Variants in FLNA observed in about 807,000 individuals in gnomAD.
The protein encoded by FLNA is filamin A.
A neutral mutation model predicts 157.6 loss-of-function variants in FLNA; 7 were observed. The ratio of observed to expected loss-of-function variants is 0.04; its 90% confidence interval spans 0.03 to 0.08. The LOEUF (loss-of-function observed/expected upper bound fraction) is 0.08, where lower values mean the gene tolerates loss of function less well. Ranked by LOEUF, FLNA falls within the 10% of genes least tolerant of loss-of-function variation. The probability of loss-of-function intolerance (pLI) is 1.00; values close to 1 mark genes in which losing one functional copy is unlikely to be tolerated. For synonymous variants in FLNA, 1,103 were observed against 1,060.8 expected, an observed-to-expected ratio of 1.04 and a Z score of -0.77; for missense variants, 1,750 against 2,398.4, an observed-to-expected ratio of 0.73 and a Z score of 5.65.
Position 154,362,799 on chromosome X carries a change from G to A in FLNA, c.2281-15C>T, listed in dbSNP as rs782276263. 9.3e-6 allele frequency: 11 copies of A among 1,186,260 alleles called. No homozygotes were observed. ...CCCACATTCACCTGCAGGGCACAGGGGCAAGGGCAAGGGCATGAGCAGCCT... is the reference window on the plus strand; with the variant it reads ...CCCACATTCACCTGCAGGGCACAGGAGCAAGGGCAAGGGCATGAGCAGCCT... On this transcript the variant is annotated splice_polypyrimidine_tract_variant and intron_variant, in intron 15 of 47. Coordinates refer to ENST00000369850, the MANE Select transcript of FLNA (RefSeq NM_001110556.2).
At chrX:154,367,150 T>A (rs781808582) in intron 5 of FLNA, among the ~76,000 whole-genome samples, 16 of 112,080 alleles carry the variant, frequency 1.4e-4, no homozygotes, top group Non-Finnish European at 1.9e-5. Flanking sequence ...CCATTTATAA[T>A]AAAGACCGCT....
At chrX:154,356,429 G>A (rs1023526756) in intron 30 of FLNA, among the ~76,000 whole-genome samples, 3 of 111,579 alleles carry the variant, frequency 2.7e-5, no homozygotes, top group Admixed American at 9.5e-5. Context: ...CCCGCCCTGC[G>A]CACACACGCC....
intron 35 of FLNA, 47 bp from the exon 36 acceptor site, chrX:154,353,774 C>T (rs1557176290): frequency 1.7e-6 from 2 of 1,197,854 alleles, no homozygotes; most frequent in African/African-American, 1.7e-5. Context: ...GGGGACACTC[C>T]AGTTGGCCTG....
rs782399798 is a variant in FLNA, at chrX:154,357,640, G to A, written c.4756-17C>T. ...TTCGGGATCCTGTGTGGCAGAGGCA[G>A]GGGAGGCAGTTGGCCCAAGCCCGAG... On this transcript the variant is annotated splice_polypyrimidine_tract_variant and intron_variant, in intron 28 of 47. Transcript: ENST00000369850. The A allele has an allele frequency of 7.5e-6, 9 of 1,206,804 alleles. No individual in the cohort carries two copies. The highest frequency in any genetic ancestry group is 1.0e-5 in the Non-Finnish European group (9 of 892,004).
chrX:154,365,009 G>A (rs1557178865), intron 11 of FLNA, 52 bp from the exon 12 acceptor site: 14 of 1,208,433 alleles, frequency 1.2e-5, no homozygotes, highest in Non-Finnish European at 1.6e-5. Flanking sequence ...ACATGAGCCA[G>A]CGTGGGCCCC....
In FLNA at chrX:154,368,102, A is replaced by C. The variant is rs1057523243; in HGVS notation, c.374-12T>G. On this transcript the variant is annotated splice_polypyrimidine_tract_variant and intron_variant, in intron 2 of 47. Transcript: ENST00000369850. ...GATGGCCTTGCTGTCTGTGAGTAGA[A>C]GAGTGGCCACGCTGGGCACACGGCT... 2.5e-6 allele frequency: 3 copies of C among 1,210,734 alleles called. No individual in the cohort carries two copies. The highest frequency in any genetic ancestry group is 3.4e-6 in the Non-Finnish European group (3 of 895,295).
In FLNA at chrX:154,360,544, G is replaced by A. The variant is rs1557177797; in HGVS notation, c.3251C>T (p.Ser1084Phe). The A allele has an allele frequency of 1.2e-5, 15 of 1,209,690 alleles. 1 individual carries two copies. Among genetic ancestry groups the A allele is most frequent in the South Asian group, 8.8e-5 (5 of 57,015 alleles). Residue 1084 changes from serine (S) to phenylalanine (F), a missense_variant, in exon 22 of 48, where the codon TCC (serine) becomes TTC (phenylalanine). By Grantham distance (155) the Ser-to-Phe change is radical. Coordinates refer to ENST00000369850, the MANE Select transcript of FLNA (RefSeq NM_001110556.2). ...GGTGTCGATGGTGAAGCGGGCGGGG[G>A]AGCCCGCACTGCCTCCCTGCAGCCC... ...GPGLQGGSAG[S>F]PARFTIDTKG...
At chrX:154,351,200 C>T (rs2067616036) in intron 43 of FLNA, 159 bp from the exon 44 acceptor site, 1 of 557,637 alleles carries the variant, frequency 1.8e-6, no homozygotes, top group Middle Eastern at 5.3e-4. Context: ...GGGCAGCAAG[C>T]CACAGGCGCA....
At chrX:154,352,125 C>CA (rs2067624607) in intron 41 of FLNA, 56 bp downstream of exon 41, 9 of 1,207,510 alleles carry the variant, frequency 7.5e-6, no homozygotes, top group Non-Finnish European at 1.0e-5. Flanking sequence ...CCTCCACCCC[C>CA]AACCCCACCC....
Position 154,348,731 on chromosome X carries a change from C to T in FLNA, c.*118G>A. On this transcript the variant is annotated 3_prime_UTR_variant, in exon 48 of 48. Coordinates refer to ENST00000369850, the MANE Select transcript of FLNA (RefSeq NM_001110556.2). Reference sequence around the variant, plus strand: ...AGCGCAGCACGGCACAGGGCAGGGGCGGCTGCAGTGACAGGCGGGCGGCCA... The same window carrying T: ...AGCGCAGCACGGCACAGGGCAGGGGTGGCTGCAGTGACAGGCGGGCGGCCA... 3 of 647,024 alleles carry T rather than the reference C, an allele frequency of 4.6e-6. No homozygotes were observed. The highest frequency in any genetic ancestry group is 7.0e-6 in the Non-Finnish European group (3 of 426,004). 53.3% of individuals were successfully genotyped at this position (647,024 alleles called of 1,213,427 possible). A position where few individuals can be genotyped will look rare whatever the true frequency, so the allele number is the denominator to read the frequency against.
intron 1 of FLNA, 125 bp from the exon 2 acceptor site, chrX:154,371,486 G>T (rs1450194908): frequency 2.5e-6 from 1 of 407,754 alleles, no homozygotes; most frequent in Non-Finnish European, 4.2e-6. Context: ...CCGCCCGTTG[G>T]AATGCCCCCA....
At chrX:154,349,593 A>C in intron 46 of FLNA, 28 bp from the exon 47 acceptor site, 2 of 1,210,399 alleles carry the variant, frequency 1.7e-6, no homozygotes, top group Non-Finnish European at 2.2e-6. Flanking sequence ...TGGGGCTAAG[A>C]GGTGGCTGTG....
At chrX:154,371,994 C>T (rs782408152) in intron 1 of FLNA, among the ~76,000 whole-genome samples, 1 of 114,014 alleles carries the variant, frequency 8.8e-6, no homozygotes, top group African/African-American at 3.2e-5. Context: ...GCGGTCCCCG[C>T]AGACCCCCTG....
intron 2 of FLNA, among the ~76,000 whole-genome samples, chrX:154,370,456 G>C (rs928056814): frequency 8.9e-6 from 1 of 112,407 alleles, no homozygotes; most frequent in African/African-American, 3.2e-5. Flanking sequence ...CAGAACCAAC[G>C]GGCCTCTGAA....
chrX:154,359,484 C>G lies in FLNA; in HGVS notation c.4142G>C (p.Arg1381Thr). Residue 1381 changes from arginine (R) to threonine (T), a missense_variant and splice_region_variant, in exon 24 of 48, where the codon AGG becomes ACG. Physicochemically the swap from Arg to Thr is moderately conservative, Grantham distance 71. This residue lies in a region of FLNA where 970 missense variants were observed against 1,302.6 expected (regional missense o/e 0.74). Coordinates refer to ENST00000369850, the MANE Select transcript of FLNA (RefSeq NM_001110556.2). ...CACGGGCTCCTGGGGGCTCCCTTAC[C>G]TGGTCTCCACAGTGAACTTGTTGGG... Reference protein sequence around the residue: ...NKPNKFTVETRGAGTGGLGLA... With the variant: ...NKPNKFTVETTGAGTGGLGLA... The G allele has an allele frequency of 8.3e-7, 1 of 1,211,736 alleles. No individual in the cohort carries two copies. The highest frequency in any genetic ancestry group is 1.1e-6 in the Non-Finnish European group (1 of 895,535).
At position 154,358,258 on chromosome X, in the gene FLNA, C is replaced by G; in HGVS notation, c.4696G>C (p.Val1566Leu). 8.3e-7 allele frequency: 1 copy of G among 1,211,016 alleles called. No individual in the cohort carries two copies. Among genetic ancestry groups the G allele is most frequent in the Non-Finnish European group, 1.1e-6 (1 of 895,369 alleles). ...NTTGVPASLP[V>L]EFTIDAKDAG... Reference sequence around the variant, plus strand: ...TCCTTTGCATCGATGGTGAACTCCACGGGCAGGCTGGCAGGCACGCCAGTG... The same window carrying G: ...TCCTTTGCATCGATGGTGAACTCCAGGGGCAGGCTGGCAGGCACGCCAGTG... Residue 1566 changes from valine (V) to leucine (L), a missense_variant, in exon 28 of 48, where the codon GTG becomes CTG. Transcript: ENST00000369850.
chrX:154,349,583 T>C lies in FLNA; in HGVS notation c.7553-18A>G, dbSNP rs112682871. 4,216 of 1,209,675 alleles carry C rather than the reference T, an allele frequency of 3.5e-3. 96 individuals are homozygous for C. The African/African-American group carries it at 0.064, about 18-fold the overall frequency. On this transcript the variant is annotated intron_variant, in intron 46 of 47. Coordinates refer to ENST00000369850, the MANE Select transcript of FLNA (RefSeq NM_001110556.2). ...ACGGGGGCCTGCAAGGCAGAGTGGG[T>C]GGGGCTAAGAGGTGGCTGTGGTGCC...
In FLNA at chrX:154,349,787, C is replaced by T; in HGVS notation, c.7414G>A (p.Val2472Met). The change falls in exon 46 of 48, where the codon GTG (valine) becomes ATG (methionine). Residue 2472 changes from valine to methionine, a missense_variant. Around this residue, in one of 5 missense-constraint regions of FLNA, gnomAD observed 970 missense variants for 1,302.6 expected, o/e 0.74. Coordinates refer to ENST00000369850, the MANE Select transcript of FLNA (RefSeq NM_001110556.2). ...GGGCACTCCTGGCAATCCATCTTCA[C>T]CTTGGAGGGGCCGTCAATGGTCACC... ...LSVTIDGPSK[V>M]KMDCQECPEG... 8.3e-7 allele frequency: 1 copy of T among 1,211,686 alleles called. No individual in the cohort carries two copies. The highest frequency in any genetic ancestry group is 1.8e-5 in the South Asian group (1 of 57,048).
intron 2 of FLNA, among the ~76,000 whole-genome samples, chrX:154,370,672 T>C (rs1479206632): frequency 8.9e-6 from 1 of 112,669 alleles, no homozygotes; most frequent in Non-Finnish European, 1.9e-5. Context: ...CGGGGGCGCG[T>C]AGCGGTTCGC....
Sources: gnomAD v4.1 joint callset for allele counts (sites outside exome capture counted in the v4.1 genomes callset) on GRCh38, gnomAD v4.1.1 for gene constraint, gnomAD v4.1.1 regional missense constraint, MANE v1.5 for transcripts, NCBI Gene and HGNC (gene_info 2026-07-23, HGNC 2026-07-21) for gene names.